The following ANGPT2 variants were observed in gnomAD, a reference collection of about 807,000 sequenced individuals.
The protein encoded by ANGPT2 is angiopoietin 2.
A neutral mutation model predicts 62.9 loss-of-function variants in ANGPT2; 28 were observed. That is an observed-to-expected ratio of 0.44 (90% CI 0.33 to 0.61). The LOEUF (loss-of-function observed/expected upper bound fraction) is 0.61, where lower values mean the gene tolerates loss of function less well. Ranked by LOEUF, ANGPT2 falls within the 20% of genes least tolerant of loss-of-function variation. The pLI is 0.03. For synonymous variants in ANGPT2, 284 were observed against 207.8 expected (o/e 1.37, Z -3.15); for missense variants, 727 against 594.9 (o/e 1.22, Z -2.31).
In ANGPT2 at chr8:6,514,897, A is replaced by G. The variant is rs148651932; in HGVS notation, c.928-119T>C. ...CTCAGCCGAGAGGGTTCTCTGGGAT[A>G]TAAGGCACGGAGTAGACCATCGGGG... On this transcript the variant is annotated intron_variant, in intron 5 of 8. Transcript: ENST00000629816. 4.2e-4 allele frequency: 320 copies of G among 765,430 alleles called. 1 individual carries two copies. The African/African-American group carries it at 5.0e-3, about 12-fold the overall frequency. 47.4% of individuals were successfully genotyped at this position (765,430 alleles called of 1,614,324 possible). A position where few individuals can be genotyped will look rare whatever the true frequency, so the allele number is the denominator to read the frequency against.
chr8:6,528,965 T>G (rs1307847025), intron 2 of ANGPT2, among the ~76,000 whole-genome samples: 1 of 152,210 alleles, frequency 6.6e-6, no homozygotes, highest in African/African-American at 2.4e-5. Flanking sequence ...GAATATACAT[T>G]TGGCCTACGT....
intron 1 of ANGPT2, among the ~76,000 whole-genome samples, chr8:6,559,230 A>ACACACAC (rs113856995): frequency 6.8e-6 from 1 of 146,726 alleles, no homozygotes; most frequent in Non-Finnish European, 1.5e-5. Flanking sequence ...CACACACGAC[A>ACACACAC]ACACACACAC....
chr8:6,505,469 T>TTATG (rs1214045524), intron 8 of ANGPT2, among the ~76,000 whole-genome samples: 75 of 72,542 alleles, frequency 1.0e-3, no homozygotes, highest in African/African-American at 3.2e-3. Flanking sequence ...TATATATTCT[T>TTATG]TACATATATA....
At chr8:6,514,527 A>T in intron 6 of ANGPT2, 150 bp downstream of exon 6, 1 of 680,390 alleles carries the variant, frequency 1.5e-6, no homozygotes, top group Non-Finnish European at 2.5e-6. Context: ...TATATTGGCC[A>T]TTCTTTAAAG....
At chr8:6,505,175 A>AAT (rs3045054) in intron 8 of ANGPT2, among the ~76,000 whole-genome samples, 11,440 of 95,092 alleles carry the variant, frequency 0.12, 2,118 homozygotes, top group African/African-American at 0.28. Context: ...TATGCCAAAG[A>AAT]ATATATATAT....
intron 1 of ANGPT2, 151 bp from the exon 2 acceptor site, chr8:6,532,638 T>A (rs1586429287): frequency 3.6e-6 from 2 of 551,508 alleles, no homozygotes; most frequent in Non-Finnish European, 5.6e-6. Flanking sequence ...AATCTTACTA[T>A]TTTTTTTTAT....
At chr8:6,526,620 G>C (rs1818402249) in intron 3 of ANGPT2, among the ~76,000 whole-genome samples, 1 of 152,000 alleles carries the variant, frequency 6.6e-6, no homozygotes, top group Non-Finnish European at 1.5e-5. Context: ...GGTATCCAAA[G>C]GACAGAAAGA....
chr8:6,509,557 T>C (rs997511347), intron 7 of ANGPT2, among the ~76,000 whole-genome samples: 1 of 152,162 alleles, frequency 6.6e-6, no homozygotes, highest in African/African-American at 2.4e-5. Flanking sequence ...AAATAAATCC[T>C]TGTGGCTACA....
chr8:6,513,945 G>C, intron 6 of ANGPT2, 101 bp from the exon 7 acceptor site: 2 of 1,143,006 alleles, frequency 1.7e-6, no homozygotes, highest in Non-Finnish European at 2.4e-6. Flanking sequence ...CTATCAAATA[G>C]CAGAAATTCC....
rs918748622 is a variant in ANGPT2 at position 6,530,674 on chromosome 8, T to A, written c.444+1658A>T. 3.3e-5 allele frequency among the ~76,000 whole-genome samples: 5 copies of A among 152,322 alleles called. No homozygotes were observed. The East Asian group carries it at 9.6e-4, about 29-fold the overall frequency. ...GTACCTTATGATCCGTTATGTAAAA[T>A]ATTTATGTATGTTTTTCTTGAACTG... is the stretch of plus-strand genomic sequence containing the variant. On this transcript the variant is annotated intron_variant, in intron 2 of 8. Coordinates refer to ENST00000629816, the MANE Select transcript of ANGPT2 (RefSeq NM_001118887.2).
At chr8:6,515,997 C>G (rs976537015) in intron 5 of ANGPT2, among the ~76,000 whole-genome samples, 7 of 152,176 alleles carry the variant, frequency 4.6e-5, no homozygotes, top group African/African-American at 1.4e-4. Flanking sequence ...AGAACTGTCC[C>G]TGGAACAGCC....
intron 1 of ANGPT2, among the ~76,000 whole-genome samples, chr8:6,548,563 T>A (rs1285793408): frequency 6.6e-6 from 1 of 152,190 alleles, no homozygotes; most frequent in Non-Finnish European, 1.5e-5. Context: ...CCAGCCAAAC[T>A]TGCAAGGCAG....
At chr8:6,536,657 T>C (rs1248313292) in intron 1 of ANGPT2, among the ~76,000 whole-genome samples, 2 of 152,158 alleles carry the variant, frequency 1.3e-5, no homozygotes, top group African/African-American at 4.8e-5. Flanking sequence ...ATGTCCATCA[T>C]ATAGTATAAA....
intron 2 of ANGPT2, among the ~76,000 whole-genome samples, chr8:6,532,128 C>T (rs1008250197): frequency 5.3e-5 from 8 of 152,142 alleles, no homozygotes; most frequent in African/African-American, 1.9e-4. Flanking sequence ...TGAAATTTAA[C>T]CTCAGTATTA....
chr8:6,555,653 G>T (rs566647891), intron 1 of ANGPT2, among the ~76,000 whole-genome samples: 4 of 152,076 alleles, frequency 2.6e-5, no homozygotes, highest in Non-Finnish European at 4.4e-5. Context: ...GGTAGAGACG[G>T]GGTTTCATCG....
chr8:6,508,040 A>G (rs1005092508), intron 8 of ANGPT2: 1 of 152,230 alleles, frequency 6.6e-6, no homozygotes, highest in African/African-American at 2.4e-5. Context: ...CAAACCTACA[A>G]TACAAGAAAG....
At chr8:6,528,816 C>T (rs922093764) in intron 2 of ANGPT2, among the ~76,000 whole-genome samples, 1 of 152,214 alleles carries the variant, frequency 6.6e-6, no homozygotes, top group Non-Finnish European at 1.5e-5. Context: ...TTTGCAGGAG[C>T]CTTGGCTGGT....
At chr8:6,537,789 G>A (rs940751308) in intron 1 of ANGPT2, among the ~76,000 whole-genome samples, 1 of 152,022 alleles carries the variant, frequency 6.6e-6, no homozygotes, top group South Asian at 2.1e-4. Context: ...AACTGGCTCA[G>A]TAAAGGAAAA....
chr8:6,556,561 G>C (rs181960296), intron 1 of ANGPT2, among the ~76,000 whole-genome samples: 103 of 152,108 alleles, frequency 6.8e-4, no homozygotes, highest in Middle Eastern at 6.8e-3. Context: ...TACACTACAC[G>C]TTCTGACCAA....
Sources: gnomAD v4.1 joint callset for allele counts (sites outside exome capture counted in the v4.1 genomes callset) on GRCh38, gnomAD v4.1.1 for gene constraint, MANE v1.5 for transcripts, NCBI Gene and HGNC (gene_info 2026-07-23, HGNC 2026-07-21) for gene names.